The following APBB3 variants were observed in gnomAD, a reference collection of about 807,000 sequenced individuals.
The protein encoded by APBB3 is amyloid-beta A4 precursor protein-binding family B member 3.
APBB3 carries 50 observed loss-of-function variants against 61.5 expected under a neutral mutation model. That is an observed-to-expected ratio of 0.81 (90% CI 0.65 to 1.03). The LOEUF is 1.03. APBB3 is among the 50% of genes least tolerant of loss of function. The pLI, the probability that APBB3 is intolerant of heterozygous loss-of-function variation, is 0.00. For synonymous variants in APBB3, 235 were observed against 233.0 expected (o/e 1.01, Z -0.08); for missense variants, 550 against 637.4 (o/e 0.86, Z 1.48).
chr5:140,560,321 C>T lies in APBB3; in HGVS notation c.1216G>A (p.Ala406Thr), dbSNP rs1561869197. The T allele has an allele frequency of 1.2e-6, 2 of 1,613,622 alleles. No homozygotes were observed. Among genetic ancestry groups the T allele is most frequent in the Non-Finnish European group, 1.7e-6 (2 of 1,179,780 alleles). Residue 406 changes from alanine (A) to threonine (T), a missense_variant, in exon 12 of 13, where the codon GCC becomes ACC. Physicochemically the swap from Ala to Thr is moderately conservative, Grantham distance 58 (BLOSUM62 0). Transcript: ENST00000357560. The surrounding 1 kb of genome is among the most constrained non-coding windows in gnomAD (Gnocchi z 5.1). ...TCCCACCCATGACTCACCATACAGGCAGCCTGCACAGCTTCAGAGAGTCCC... is the reference window on the plus strand; with the variant it reads ...TCCCACCCATGACTCACCATACAGGTAGCCTGCACAGCTTCAGAGAGTCCC... ...AGGLSEAVQA[A>T]CMVQYQKCLV...
rs774128337 is a variant in APBB3 at position 140,558,491 on chromosome 5, T to C, written c.*94A>G. On this transcript the variant is annotated 3_prime_UTR_variant, in exon 13 of 13. Coordinates refer to ENST00000357560, the MANE Select transcript of APBB3 (RefSeq NM_133173.3). Reference sequence around the variant, plus strand: ...GATCGGAGGGACAGGCAGAGAAGGCTTCAAGGAGTGACAGGCTATAGGCCT... The same window carrying C: ...GATCGGAGGGACAGGCAGAGAAGGCCTCAAGGAGTGACAGGCTATAGGCCT... 2.8e-5 allele frequency: 34 copies of C among 1,221,100 alleles called. No homozygotes were observed. Among genetic ancestry groups the C allele is most frequent in the Non-Finnish European group, 3.9e-5 (32 of 824,048 alleles). 75.6% of individuals were successfully genotyped at this position (1,221,100 alleles called of 1,614,324 possible). A position where few individuals can be genotyped will look rare whatever the true frequency, so the allele number is the denominator to read the frequency against.
rs1273879669 is a variant in APBB3 at position 140,563,486 on chromosome 5, C to G, written c.290+108G>C. 8 of 1,343,640 alleles carry G rather than the reference C, an allele frequency of 6.0e-6. No individual in the cohort carries two copies. The East Asian group carries it at 1.9e-4, about 31-fold the overall frequency. 83.2% of individuals were successfully genotyped at this position (1,343,640 alleles called of 1,614,324 possible). ...GCCAAGAACGTAACAGAACCCAAAA[C>G]ATGTGACAGAATCCAGAACCTGGGC... On this transcript the variant is annotated intron_variant, in intron 3 of 12. Transcript: ENST00000357560.
chr5:140,562,764 C>T (rs781155661), intron 3 of APBB3, 41 bp from the exon 4 acceptor site: 8 of 1,604,000 alleles, frequency 5.0e-6, no homozygotes, highest in East Asian at 2.2e-5. Context: ...ACATTTCCTA[C>T]AGTAGGGACA....
Position 140,564,331 on chromosome 5 carries a change from C to G in APBB3, c.-86G>C, listed in dbSNP as rs1432653538. The G allele has an allele frequency of 3.3e-6, 5 of 1,523,636 alleles. No individual in the cohort carries two copies. Among genetic ancestry groups the G allele is most frequent in the Non-Finnish European group, 4.5e-6 (5 of 1,117,948 alleles). 94.4% of individuals were successfully genotyped at this position (1,523,636 alleles called of 1,614,324 possible). A position where few individuals can be genotyped will look rare whatever the true frequency, so the allele number is the denominator to read the frequency against. ...GGAGCTACTGCGCCTGCAAGCCCAG[C>G]CTCTCTGCGCCGCAGGCTGCGGGGC... On this transcript the variant is annotated 5_prime_UTR_variant, in exon 1 of 13. Coordinates refer to ENST00000357560, the MANE Select transcript of APBB3 (RefSeq NM_133173.3). The surrounding 1 kb of genome is among the most constrained non-coding windows in gnomAD (Gnocchi z 5.0).
chr5:140,560,320 G>A lies in APBB3; in HGVS notation c.1217C>T (p.Ala406Val). 1.9e-6 allele frequency: 3 copies of A among 1,613,472 alleles called. No homozygotes were observed. The highest frequency in any genetic ancestry group is 2.5e-6 in the Non-Finnish European group (3 of 1,179,718). The change falls in exon 12 of 13, where the codon GCC becomes GTC. Residue 406 changes from alanine (A) to valine (V), a missense_variant. Ala to Val is a moderately conservative substitution (Grantham distance 64). Coordinates refer to ENST00000357560, the MANE Select transcript of APBB3 (RefSeq NM_133173.3). The surrounding 1 kb of genome is among the most constrained non-coding windows in gnomAD (Gnocchi z 5.1). ...TTCCCACCCATGACTCACCATACAG[G>A]CAGCCTGCACAGCTTCAGAGAGTCC... ...AGGLSEAVQA[A>V]CMVQYQKCLV... is the part of the protein sequence containing the mutation.
intron 9 of APBB3, 57 bp downstream of exon 9, chr5:140,561,308 C>G: frequency 6.3e-7 from 1 of 1,594,662 alleles, no homozygotes; most frequent in Non-Finnish European, 8.6e-7. Flanking sequence ...AATCGCCCCC[C>G]CACAAAGCAG....
Position 140,561,612 on chromosome 5 carries a change from C to A in APBB3, c.722G>T (p.Ser241Ile), listed in dbSNP as rs557951352. The change falls in exon 8 of 13, where the codon AGT (serine) becomes ATT (isoleucine). Residue 241 changes from serine to isoleucine, a missense_variant. Physicochemically the swap from Ser to Ile is moderately radical, Grantham distance 142. Transcript: ENST00000357560. ...CTGGGCACAAAGCCCATGTAGGGCA[C>A]TGGCAATGGCCTTGGCAGGGACATC... ...CCDVPAKAIA[S>I]ALHGLCAQIL... 2 of 1,614,242 alleles carry A rather than the reference C, an allele frequency of 1.2e-6. No homozygotes were observed. The highest frequency in any genetic ancestry group is 2.2e-5 in the East Asian group (1 of 44,888).
intron 5 of APBB3, 25 bp from the exon 6 acceptor site, chr5:140,562,252 G>A: frequency 6.2e-7 from 1 of 1,613,770 alleles, no homozygotes; most frequent in Non-Finnish European, 8.5e-7. Flanking sequence ...GGTCAGCCCA[G>A]AGCTCAGATA....
chr5:140,562,855 C>A, intron 3 of APBB3, 132 bp from the exon 4 acceptor site: 1 of 798,962 alleles, frequency 1.3e-6, no homozygotes, highest in Non-Finnish European at 2.0e-6. Flanking sequence ...AAAACCAGAG[C>A]AGGGTAGAGC....
intron 6 of APBB3, 65 bp from the exon 7 acceptor site, chr5:140,561,914 T>C (rs1754974183): frequency 1.2e-6 from 2 of 1,612,816 alleles, no homozygotes; most frequent in South Asian, 2.2e-5. Context: ...CTCCCCAAAC[T>C]GTCCCTGCTG....
chr5:140,562,810 G>T, intron 3 of APBB3, 87 bp from the exon 4 acceptor site: 1 of 1,299,934 alleles, frequency 7.7e-7, no homozygotes, highest in Non-Finnish European at 1.1e-6. Context: ...AGCACAGGAT[G>T]AGGGGCAAGA....
chr5:140,562,109 G>A lies in APBB3; in HGVS notation c.617C>T (p.Ser206Phe). The A allele has an allele frequency of 6.2e-7, 1 of 1,614,020 alleles. No individual in the cohort carries two copies. Among genetic ancestry groups the A allele is most frequent in the Non-Finnish European group, 8.5e-7 (1 of 1,179,964 alleles). The change falls in exon 6 of 13, where the codon TCC becomes TTC. Residue 206 changes from serine to phenylalanine, a missense_variant. By Grantham distance (155) the Ser-to-Phe change is radical. Coordinates refer to ENST00000357560, the MANE Select transcript of APBB3 (RefSeq NM_133173.3). ...ATGTAGGCATCCTCACCGGCCCTTGGAGCTCCCCACGCCCCACACACGGAT... is the reference window on the plus strand; with the variant it reads ...ATGTAGGCATCCTCACCGGCCCTTGAAGCTCCCCACGCCCCACACACGGAT... The part of the protein sequence containing the change: ...VHIRVWGVGS[S>F]KGRDRDFAFV...
chr5:140,563,700 G>A, intron 2 of APBB3, 30 bp from the exon 3 acceptor site: 12 of 1,614,076 alleles, frequency 7.4e-6, no homozygotes, highest in Non-Finnish European at 1.0e-5. Context: ...CAGTTTAACA[G>A]CAGACCTAGG....
chr5:140,562,275 A>C (rs7734425), intron 5 of APBB3, 48 bp from the exon 6 acceptor site: 2 of 1,612,026 alleles, frequency 1.2e-6, no homozygotes, highest in Non-Finnish European at 1.7e-6. Context: ...GGTCATTGCC[A>C]TGAGAAATAG....
At position 140,564,527 on chromosome 5, in the gene APBB3, C is replaced by T. The variant is rs1370466493; in HGVS notation, c.-282G>A. On this transcript the variant is annotated 5_prime_UTR_variant, in exon 1 of 13. Transcript: ENST00000357560. This position sits in a 1 kb window ranked among gnomAD's most constrained non-coding sequence, Gnocchi z 5.0. ...GGGTCCGGGGGAGGCCCACGAACGCCAGCGAAACCGCTGACACCACCGCCC... is the reference window on the plus strand; with the variant it reads ...GGGTCCGGGGGAGGCCCACGAACGCTAGCGAAACCGCTGACACCACCGCCC... 3.5e-6 allele frequency: 2 copies of T among 564,280 alleles called. No individual in the cohort carries two copies. The highest frequency in any genetic ancestry group is 6.3e-6 in the Non-Finnish European group (2 of 318,780). The allele number at this position is 564,280 out of a possible 1,614,324, so 35.0% of individuals were successfully genotyped here.
Position 140,564,004 on chromosome 5 carries a change from AT to A in APBB3, c.50-90del. 6.5e-7 allele frequency: 1 copy of A among 1,528,266 alleles called. No homozygotes were observed. The highest frequency in any genetic ancestry group is 8.9e-7 in the Non-Finnish European group (1 of 1,128,910). The allele number at this position is 1,528,266 out of a possible 1,614,324, so 94.7% of individuals were successfully genotyped here. A position where few individuals can be genotyped will look rare whatever the true frequency, so the allele number is the denominator to read the frequency against. Reference sequence around the variant, plus strand: ...TCATAATCCCCTCTCCATCCCCAAAATGGGTCAGTTCTTAGGCTGAAGATCC... The same window carrying A: ...TCATAATCCCCTCTCCATCCCCAAAAGGGTCAGTTCTTAGGCTGAAGATCC... On this transcript the variant is annotated intron_variant, in intron 1 of 12. Coordinates refer to ENST00000357560, the MANE Select transcript of APBB3 (RefSeq NM_133173.3). This position sits in a 1 kb window ranked among gnomAD's most constrained non-coding sequence, Gnocchi z 5.0.
Position 140,562,105 on chromosome 5 carries a change from CT to C in APBB3, c.620del (p.Lys207ArgfsTer49). The part of the protein sequence containing the change: ...HIRVWGVGSS[K>X]GRDRDFAFVA... ...GGGGATGTAGGCATCCTCACCGGCC[CT>C]TGGAGCTCCCCACGCCCCACACACG... On this transcript the variant is annotated frameshift_variant, in exon 6 of 13. Transcript: ENST00000357560. LOFTEE classifies it high-confidence loss of function. The C allele has an allele frequency of 6.2e-7, 1 of 1,613,998 alleles. No individual in the cohort carries two copies. The highest frequency in any genetic ancestry group is 8.5e-7 in the Non-Finnish European group (1 of 1,179,938).
rs1452986187 is a variant in APBB3 at position 140,564,131 on chromosome 5, T to TCTTTG, written c.49+65_49+66insCAAAG. The TCTTTG allele has an allele frequency of 2.5e-6, 4 of 1,606,404 alleles. No homozygotes were observed. Among genetic ancestry groups the TCTTTG allele is most frequent in the Non-Finnish European group, 3.4e-6 (4 of 1,174,616 alleles). ...CCCCCACCGTCTTTGAGCCCCAGAG[T>TCTTTG]AGCCTTTCGGATTCCCTCGTCCTCC... On this transcript the variant is annotated intron_variant, in intron 1 of 12. Transcript: ENST00000357560. The surrounding 1 kb of genome is among the most constrained non-coding windows in gnomAD (Gnocchi z 5.0).
rs1319504512 is a variant in APBB3, at chr5:140,558,697, A to G, written c.1349T>C (p.Leu450Pro). Residue 450 changes from leucine (L) to proline (P), a missense_variant, in exon 13 of 13, where the codon CTC (leucine) becomes CCC (proline). Transcript: ENST00000357560. ...SMDSPGGPLP[L>P]PLLKGGVGGA... is the part of the protein sequence containing the mutation. ...GCCAACCCCTCCTTTGAGCAGGGGG[A>G]GGGGCAGGGGACCTCCTGGGGAATC... The G allele has an allele frequency of 6.2e-7, 1 of 1,609,890 alleles. No homozygotes were observed. The highest frequency in any genetic ancestry group is 1.7e-5 in the Admixed American group (1 of 58,468).
Sources: gnomAD v4.1 joint callset for allele counts on GRCh38, gnomAD v4.1.1 for gene constraint, Gnocchi (gnomAD v3.1) non-coding constraint, MANE v1.5 for transcripts, NCBI Gene and HGNC (gene_info 2026-07-23, HGNC 2026-07-21) for gene names.